The following CACNA2D3 variants were observed in gnomAD, a reference collection of about 807,000 sequenced individuals.
CACNA2D3 encodes voltage-dependent calcium channel subunit alpha-2/delta-3.
CACNA2D3 carries 60 observed loss-of-function variants against 160.6 expected under a neutral mutation model. That is an observed-to-expected ratio of 0.37 (90% CI 0.30 to 0.46). CACNA2D3 has a LOEUF of 0.46. CACNA2D3 is among the 20% of genes least tolerant of loss of function. The pLI is 1.00. For missense variants in CACNA2D3, 1,205 were observed against 1,365.0 expected (o/e 0.88, Z 1.85); for synonymous variants, 558 against 492.9 (o/e 1.13, Z -1.75).
At position 55,011,658 on chromosome 3, in the gene CACNA2D3, G is replaced by C. The variant is rs534140188; in HGVS notation, c.2875+2215G>C. 9.7e-4 allele frequency among the ~76,000 whole-genome samples: 147 copies of C among 152,230 alleles called. 1 individual carries two copies. Among genetic ancestry groups the C allele is most frequent in the Middle Eastern group, 6.8e-3 (2 of 294 alleles). ...AAAACACATAAAATGGTGGGAGGAAGGAGATATGGAGCTAATTAGGGTCAG... is the reference window on the plus strand; with the variant it reads ...AAAACACATAAAATGGTGGGAGGAACGAGATATGGAGCTAATTAGGGTCAG... On this transcript the variant is annotated intron_variant, in intron 34 of 37. Transcript: ENST00000474759.
intron 3 of CACNA2D3, among the ~76,000 whole-genome samples, chr3:54,347,950 A>G (rs932109510): frequency 6.6e-6 from 1 of 152,236 alleles, no homozygotes; most frequent in Non-Finnish European, 1.5e-5. Flanking sequence ...GTATAGGGCT[A>G]TATGCTTTTC....
At chr3:54,944,076 C>T (rs983877810) in intron 27 of CACNA2D3, among the ~76,000 whole-genome samples, 4 of 152,270 alleles carry the variant, frequency 2.6e-5, no homozygotes, top group Non-Finnish European at 5.9e-5. Context: ...TTTCTTTTGA[C>T]TTCCTGTGTT....
At chr3:54,575,571 T>A (rs140839883) in intron 8 of CACNA2D3, among the ~76,000 whole-genome samples, 1 of 152,320 alleles carries the variant, frequency 6.6e-6, no homozygotes, top group African/African-American at 2.4e-5. Flanking sequence ...CTGTCTGCTC[T>A]CAGAGACTTA....
chr3:54,417,394 A>G (rs1301142482), intron 4 of CACNA2D3, among the ~76,000 whole-genome samples: 1 of 152,188 alleles, frequency 6.6e-6, no homozygotes, highest in African/African-American at 2.4e-5. Context: ...TTACTAATCA[A>G]CTGTGTGAAC....
intron 11 of CACNA2D3, among the ~76,000 whole-genome samples, chr3:54,723,717 C>T (rs1331474600): frequency 1.3e-5 from 2 of 152,212 alleles, no homozygotes; most frequent in Non-Finnish European, 2.9e-5. Context: ...GCTGCACCCA[C>T]TGTCCAACCA....
At chr3:54,429,272 A>T (rs1699953645) in intron 4 of CACNA2D3, among the ~76,000 whole-genome samples, 1 of 79,660 alleles carries the variant, frequency 1.3e-5, no homozygotes, top group Admixed American at 1.5e-4. Context: ...TAATCAACTA[A>T]AAAAAAATCA....
chr3:54,601,317 C>A (rs1315947563), intron 9 of CACNA2D3, among the ~76,000 whole-genome samples: 2 of 152,188 alleles, frequency 1.3e-5, no homozygotes, highest in Non-Finnish European at 1.5e-5. Flanking sequence ...GATCCTCCTA[C>A]CTCAGTCAGT....
intron 2 of CACNA2D3, among the ~76,000 whole-genome samples, chr3:54,224,470 C>T (rs534176670): frequency 7.2e-5 from 11 of 152,258 alleles, no homozygotes; most frequent in African/African-American, 2.2e-4. Flanking sequence ...TGACCACAGA[C>T]GGGTGAGTAA....
chr3:54,842,798 A>T (rs1430443825), intron 16 of CACNA2D3, among the ~76,000 whole-genome samples: 1 of 151,092 alleles, frequency 6.6e-6, no homozygotes, highest in Non-Finnish European at 1.5e-5. Flanking sequence ...ATGGGGTTTC[A>T]CCATGTTCAC....
At chr3:54,739,071 C>T (rs923533552) in intron 11 of CACNA2D3, among the ~76,000 whole-genome samples, 3 of 151,764 alleles carry the variant, frequency 2.0e-5, no homozygotes, top group African/African-American at 7.3e-5. Flanking sequence ...CTTTGGGCTG[C>T]AGTGAGCCGA....
intron 2 of CACNA2D3, among the ~76,000 whole-genome samples, chr3:54,253,199 T>G (rs1176478545): frequency 6.6e-6 from 1 of 152,108 alleles, no homozygotes; most frequent in Non-Finnish European, 1.5e-5. Context: ...GTTAATTCTT[T>G]CTGAGAGCAA....
intron 23 of CACNA2D3, among the ~76,000 whole-genome samples, chr3:54,885,875 G>A (rs560519183): frequency 1.3e-5 from 2 of 152,340 alleles, no homozygotes; most frequent in African/African-American, 4.8e-5. Flanking sequence ...CAACTGGGAA[G>A]GGACTGTAAA....
intron 27 of CACNA2D3, among the ~76,000 whole-genome samples, chr3:54,911,525 C>G (rs1302144150): frequency 1.3e-5 from 2 of 151,672 alleles, no homozygotes; most frequent in African/African-American, 2.4e-5. Context: ...ATTCTTGACT[C>G]TTTCCTTTTC....
At chr3:54,126,155 A>G (rs1009123446) in intron 2 of CACNA2D3, among the ~76,000 whole-genome samples, 7 of 152,218 alleles carry the variant, frequency 4.6e-5, no homozygotes, top group African/African-American at 1.7e-4. Context: ...ACTAATTGAC[A>G]CTTCATGTTG....
chr3:54,793,645 C>T (rs1372705688), intron 13 of CACNA2D3, among the ~76,000 whole-genome samples: 1 of 152,170 alleles, frequency 6.6e-6, no homozygotes, highest in African/African-American at 2.4e-5. Context: ...AGGCCATCCC[C>T]CACGTAACTC....
chr3:54,876,050 A>G (rs769359265), intron 18 of CACNA2D3, among the ~76,000 whole-genome samples: 4 of 152,122 alleles, frequency 2.6e-5, no homozygotes, highest in Non-Finnish European at 5.9e-5. Flanking sequence ...ATATGCTAAC[A>G]TATGGGCACA....
intron 2 of CACNA2D3, among the ~76,000 whole-genome samples, chr3:54,289,108 A>C (rs1703114438): frequency 6.6e-6 from 1 of 152,230 alleles, no homozygotes; most frequent in Non-Finnish European, 1.5e-5. Context: ...GAAAAGAGGA[A>C]GTCAAATTGT....
chr3:54,174,896 G>A (rs1408992408), intron 2 of CACNA2D3, among the ~76,000 whole-genome samples: 2 of 152,192 alleles, frequency 1.3e-5, no homozygotes, highest in African/African-American at 4.8e-5. Context: ...GGTAGTGGCA[G>A]TGTTGGTGGA....
At chr3:54,784,004 T>G (rs1232779039) in intron 13 of CACNA2D3, among the ~76,000 whole-genome samples, 1 of 152,222 alleles carries the variant, frequency 6.6e-6, no homozygotes, top group Non-Finnish European at 1.5e-5. Context: ...TCAAAAATCA[T>G]GAAATGTTAT....
Sources: allele counts gnomAD v4.1 joint callset (sites outside exome capture counted in the v4.1 genomes callset), GRCh38; gene constraint gnomAD v4.1.1; transcripts MANE v1.5; gene names NCBI Gene and HGNC (gene_info 2026-07-23, HGNC 2026-07-21).